INPP4B: variants seen among roughly 807,000 people sequenced by gnomAD.
INPP4B encodes inositol polyphosphate-4-phosphatase type II B, also known as inositol polyphosphate 4-phosphatase type II.
Under a neutral mutation model 122.5 loss-of-function variants are expected in INPP4B, and 55 were observed. The ratio of observed to expected loss-of-function variants is 0.45; its 90% CI spans 0.36 to 0.56. The LOEUF (loss-of-function observed/expected upper bound fraction) is 0.56, where lower values mean the gene tolerates loss of function less well. Among genes scored for constraint, INPP4B ranks in the 20% least tolerant of loss-of-function variants. The pLI is 0.00. For missense variants in INPP4B, 1,000 were observed against 1,097.7 expected (o/e 0.91, Z 1.26); for synonymous variants, 403 against 388.7 (o/e 1.04, Z -0.43).
chr4:142,431,677 TTAG>T (rs1201686928), intron 3 of INPP4B, among the ~76,000 whole-genome samples: 1 of 152,148 alleles, frequency 6.6e-6, no homozygotes, highest in African/African-American at 2.4e-5. Flanking sequence ...GGCTGCTAAC[TTAG>T]TATAAAACCT....
chr4:142,182,155 T>C (rs1324376349), intron 15 of INPP4B, among the ~76,000 whole-genome samples: 2 of 152,182 alleles, frequency 1.3e-5, no homozygotes, highest in African/African-American at 4.8e-5. Context: ...GTTCTGTCAT[T>C]AGCTGCATTG....
chr4:142,445,848 A>G (rs553490674), intron 3 of INPP4B, among the ~76,000 whole-genome samples: 1 of 152,324 alleles, frequency 6.6e-6, no homozygotes, highest in African/African-American at 2.4e-5. Context: ...TTTTCTGACC[A>G]CAAGGAGATT....
At chr4:142,658,877 G>A (rs1479917611) in intron 2 of INPP4B, among the ~76,000 whole-genome samples, 4 of 152,064 alleles carry the variant, frequency 2.6e-5, no homozygotes, top group Non-Finnish European at 5.9e-5. Context: ...ACCTTAAGAG[G>A]ACAGAAGCAC....
In INPP4B at chr4:142,611,643, T is replaced by C. The variant is rs1281797664; in HGVS notation, c.-191+114196A>G. On this transcript the variant is annotated intron_variant, in intron 2 of 25. Transcript: ENST00000262992. ...GTTCTGTTTTTTCTTTTTTCTTTTT[T>C]TTTTTTTTTTTTTTTTTTGAGATGG... Among the ~76,000 whole-genome samples the C allele has an allele frequency of 3.9e-4, 50 of 129,532 alleles. No individual in the cohort carries two copies. The South Asian group carries it at 6.3e-3, about 16-fold the overall frequency. 85.0% of individuals were successfully genotyped at this position (129,532 alleles called of 152,430 possible).
At chr4:142,537,629 TG>T (rs1174812556) in intron 2 of INPP4B, among the ~76,000 whole-genome samples, 1 of 151,554 alleles carries the variant, frequency 6.6e-6, no homozygotes, top group Non-Finnish European at 1.5e-5. Flanking sequence ...AACAGGTCCT[TG>T]AATAATGTTT....
intron 2 of INPP4B, among the ~76,000 whole-genome samples, chr4:142,525,225 A>C (rs1826735164): frequency 6.6e-6 from 1 of 152,120 alleles, no homozygotes; most frequent in African/African-American, 2.4e-5. Context: ...ACCACTGCTC[A>C]CTGAAATAAA....
intron 1 of INPP4B, among the ~76,000 whole-genome samples, chr4:142,802,675 C>T (rs962411731): frequency 1.3e-5 from 2 of 151,958 alleles, no homozygotes; most frequent in African/African-American, 2.4e-5. Flanking sequence ...CGGAAGTTAC[C>T]TTGAAAGCAC....
chr4:142,460,257 T>C (rs1345951363), intron 3 of INPP4B, among the ~76,000 whole-genome samples: 3 of 152,200 alleles, frequency 2.0e-5, no homozygotes, highest in Non-Finnish European at 2.9e-5. Context: ...GTAAAGCAGC[T>C]GGGATTTAAC....
chr4:142,296,370 G>A (rs900290208), intron 9 of INPP4B, among the ~76,000 whole-genome samples: 1 of 152,152 alleles, frequency 6.6e-6, no homozygotes, highest in Non-Finnish European at 1.5e-5. Flanking sequence ...GGAAATAAAA[G>A]AACTGATGAT....
chr4:142,756,596 C>T (rs1265471091), intron 1 of INPP4B, among the ~76,000 whole-genome samples: 1 of 151,858 alleles, frequency 6.6e-6, no homozygotes, highest in African/African-American at 2.4e-5. Flanking sequence ...ATTATTATAA[C>T]TTAGAAAGGA....
chr4:142,513,080 T>C (rs1348445557), intron 2 of INPP4B, among the ~76,000 whole-genome samples: 1 of 152,162 alleles, frequency 6.6e-6, no homozygotes, highest in Non-Finnish European at 1.5e-5. Context: ...GTGGCTGAAA[T>C]TCATAATATG....
intron 12 of INPP4B, among the ~76,000 whole-genome samples, chr4:142,215,786 G>T (rs574850205): frequency 6.6e-6 from 1 of 150,940 alleles, no homozygotes; most frequent in Admixed American, 6.6e-5. Flanking sequence ...CCAGCTACTC[G>T]GGAGGCTGAG....
intron 14 of INPP4B, among the ~76,000 whole-genome samples, chr4:142,205,372 C>T (rs1842217319): frequency 6.6e-6 from 1 of 152,096 alleles, no homozygotes; most frequent in South Asian, 2.1e-4. Flanking sequence ...TCCCTCCTTG[C>T]CTTATTCCAT....
intron 2 of INPP4B, among the ~76,000 whole-genome samples, chr4:142,584,318 C>T (rs1735708106): frequency 1.3e-5 from 2 of 152,110 alleles, no homozygotes; most frequent in African/African-American, 4.8e-5. Flanking sequence ...TTATTATCTA[C>T]ATTGATGAAC....
intron 2 of INPP4B, among the ~76,000 whole-genome samples, chr4:142,621,229 CCTT>C (rs1744851314): frequency 2.0e-5 from 3 of 151,770 alleles, no homozygotes; most frequent in African/African-American, 4.8e-5. Flanking sequence ...GAGTGTAAAT[CCTT>C]CTTCTTATTA....
chr4:142,833,218 T>A (rs60144874), intron 1 of INPP4B, among the ~76,000 whole-genome samples: 15,248 of 152,044 alleles, frequency 0.1, 2,522 homozygotes, highest in African/African-American at 0.34. Context: ...TTAAAAAAAC[T>A]TATGTTTTTG....
intron 1 of INPP4B, among the ~76,000 whole-genome samples, chr4:142,838,916 G>A (rs969069955): frequency 3.3e-5 from 5 of 152,186 alleles, no homozygotes; most frequent in Admixed American, 1.3e-4. Context: ...GACTGCCCTA[G>A]AAAGTGACAG....
At chr4:142,214,628 C>T (rs1308459974) in intron 12 of INPP4B, among the ~76,000 whole-genome samples, 1 of 152,200 alleles carries the variant, frequency 6.6e-6, no homozygotes, top group Non-Finnish European at 1.5e-5. Flanking sequence ...TCTCAGCTCA[C>T]TGCAACCTCC....
intron 3 of INPP4B, among the ~76,000 whole-genome samples, chr4:142,435,005 G>T (rs918614396): frequency 6.6e-6 from 1 of 152,170 alleles, no homozygotes. Context: ...TAGGCTACAG[G>T]TTACTCCAGC....
Sources: allele counts gnomAD v4.1 joint callset (sites outside exome capture counted in the v4.1 genomes callset), GRCh38; gene constraint gnomAD v4.1.1; transcripts MANE v1.5; gene names NCBI Gene and HGNC (gene_info 2026-07-23, HGNC 2026-07-21).